The following TFPT variants were observed in gnomAD, a reference collection of about 807,000 sequenced individuals.
TFPT encodes INO80 complex subunit F.
Under a neutral mutation model 28.8 loss-of-function variants are expected in TFPT, and 27 were observed. The observed-to-expected ratio is 0.94, with a 90% CI of 0.69 to 1.29. The LOEUF (loss-of-function observed/expected upper bound fraction) is 1.29, where lower values mean the gene tolerates loss of function less well. Ranked by LOEUF, TFPT falls within the 50% of genes most tolerant of loss-of-function variation. The pLI, the probability that TFPT is intolerant of heterozygous loss-of-function variation, is 0.00. For synonymous variants in TFPT, 152 were observed against 142.8 expected (o/e 1.06, Z -0.46); for missense variants, 330 against 338.0 (o/e 0.98, Z 0.19).
intron 3 of TFPT, chr19:54,108,722 C>A: frequency 1.1e-6 from 1 of 923,210 alleles, no homozygotes; most frequent in Non-Finnish European, 1.6e-6. Flanking sequence ...AGTAAACATT[C>A]ATATGTGAGT....
rs2073335554 is a variant in TFPT, at chr19:54,108,181, T to TCTCTGGAGG, written c.478_486dup (p.Pro160_Glu162dup). The stretch of plus-strand genomic sequence containing the variant: ...CTTCTGGGCGGGGACAGTGTCTCTT[T>TCTCTGGAGG]CTCTGGAGGCTCATTCTCCGCATTG... On this transcript the variant is annotated inframe_insertion, in exon 5 of 6. Coordinates refer to ENST00000391759, the MANE Select transcript of TFPT (RefSeq NM_013342.4). 2 of 1,596,434 alleles carry TCTCTGGAGG rather than the reference T, an allele frequency of 1.3e-6. No homozygotes were observed. Among genetic ancestry groups the TCTCTGGAGG allele is most frequent in the African/African-American group, 2.7e-5 (2 of 74,694 alleles).
intron 5 of TFPT, chr19:54,107,690 T>G: frequency 2.8e-6 from 1 of 360,582 alleles, no homozygotes. Flanking sequence ...TCTCTGATCC[T>G]TCCTTCTCCT....
chr19:54,110,821 G>A (rs1052112729), intron 2 of TFPT, among the ~76,000 whole-genome samples: 6 of 152,084 alleles, frequency 3.9e-5, no homozygotes, highest in Non-Finnish European at 7.4e-5. Context: ...CAGCCTCTCC[G>A]CCTCTTTGCT....
intron 3 of TFPT, 108 bp downstream of exon 3, chr19:54,109,943 C>T (rs1377931858): frequency 2.0e-5 from 18 of 908,052 alleles, no homozygotes; most frequent in Non-Finnish European, 2.7e-5. Flanking sequence ...CCGGCTTCTC[C>T]TTGTGGCTTG....
At chr19:54,108,936 C>A (rs1336243497) in intron 3 of TFPT, 2 of 243,220 alleles carry the variant, frequency 8.2e-6, no homozygotes, top group Non-Finnish European at 1.6e-5. Flanking sequence ...ACTCTGTCAC[C>A]CAGGCTGGAG....
At chr19:54,108,631 C>T in intron 3 of TFPT, 4 of 1,493,622 alleles carry the variant, frequency 2.7e-6, no homozygotes, top group Non-Finnish European at 3.6e-6. Flanking sequence ...AACGACATGA[C>T]ACCCTCGGCT....
At chr19:54,110,250 C>A in intron 2 of TFPT, 129 bp from the exon 3 acceptor site, 1 of 932,344 alleles carries the variant, frequency 1.1e-6, no homozygotes, top group Admixed American at 2.0e-5. Flanking sequence ...GAGGTCCTTC[C>A]ACCTTCCCAT....
In TFPT at chr19:54,108,401, C is replaced by G. The variant is rs2073346289; in HGVS notation, c.354-6G>C. ...CCAGCACTCTCATGAGGAACCTGCT[C>G]AGGGGGAGAAGCCACCAACGGAATA... On this transcript the variant is annotated splice_polypyrimidine_tract_variant and splice_region_variant and intron_variant, in intron 3 of 5. Coordinates refer to ENST00000391759, the MANE Select transcript of TFPT (RefSeq NM_013342.4). The G allele has an allele frequency of 6.2e-7, 1 of 1,613,812 alleles. No individual in the cohort carries two copies. Among genetic ancestry groups the G allele is most frequent in the African/African-American group, 1.3e-5 (1 of 74,912 alleles).
intron 5 of TFPT, among the ~76,000 whole-genome samples, 191 bp downstream of exon 5, chr19:54,107,835 A>C (rs1315301153): frequency 6.6e-6 from 1 of 151,916 alleles, no homozygotes; most frequent in Non-Finnish European, 1.5e-5. Context: ...GGCCTCCAAC[A>C]TGTCCTGGTT....
intron 2 of TFPT, among the ~76,000 whole-genome samples, chr19:54,111,497 TAAA>T (rs11304668): frequency 2.0e-4 from 22 of 111,084 alleles, no homozygotes; most frequent in South Asian, 2.8e-4. Flanking sequence ...TCATCTCTAC[TAAA>T]AAAAAAAAAA....
chr19:54,110,553 C>T (rs1397808696), intron 2 of TFPT, among the ~76,000 whole-genome samples: 2 of 152,084 alleles, frequency 1.3e-5, no homozygotes, highest in East Asian at 1.9e-4. Context: ...ATGATGAAAC[C>T]CCATCTCTAC....
At chr19:54,113,838 C>T (rs1302629838) in intron 2 of TFPT, among the ~76,000 whole-genome samples, 2 of 152,128 alleles carry the variant, frequency 1.3e-5, no homozygotes, top group South Asian at 2.1e-4. Context: ...ACTACAGGTG[C>T]GCACCACCAC....
At chr19:54,109,609 T>C (rs1366141421) in intron 3 of TFPT, among the ~76,000 whole-genome samples, 2 of 152,112 alleles carry the variant, frequency 1.3e-5, no homozygotes, top group African/African-American at 2.4e-5. Flanking sequence ...GCTCACCACC[T>C]GCAAGCTCCG....
At chr19:54,110,158 G>C in intron 2 of TFPT, 37 bp from the exon 3 acceptor site, 1 of 1,607,570 alleles carries the variant, frequency 6.2e-7, no homozygotes, top group Admixed American at 1.7e-5. Flanking sequence ...TGGATCCCAC[G>C]GCTCCCGTTC....
intron 5 of TFPT, 97 bp downstream of exon 5, chr19:54,107,929 C>G: frequency 7.5e-7 from 1 of 1,333,774 alleles, no homozygotes; most frequent in Non-Finnish European, 1.0e-6. Flanking sequence ...TAACTCAGCC[C>G]CAGCCCTGGC....
rs375452012 is a variant in TFPT at position 54,110,124 on chromosome 19, A to C, written c.283-3T>G. 6 of 1,614,074 alleles carry C rather than the reference A, an allele frequency of 3.7e-6. No individual in the cohort carries two copies. In the East Asian group the frequency reaches 1.3e-4, roughly 36 times the overall value. On this transcript the variant is annotated splice_polypyrimidine_tract_variant and splice_region_variant and intron_variant, in intron 2 of 5. Transcript: ENST00000391759. ...CTGTTCAGGACCCGCTCGTTCACCT[A>C]TGGGGTGGGAAACGCCCATCAGCTG...
At chr19:54,115,079 T>C in intron 1 of TFPT, 168 bp downstream of exon 1, 1 of 1,044,970 alleles carries the variant, frequency 9.6e-7, no homozygotes, top group South Asian at 1.5e-5. Context: ...ACCCCTAACC[T>C]TCTCCTCCCT....
chr19:54,115,652 G>T lies in TFPT; in HGVS notation c.-383C>A. 1 of 385,956 alleles carries T rather than the reference G, an allele frequency of 2.6e-6. No homozygotes were observed. The highest frequency in any genetic ancestry group is 4.7e-6 in the Non-Finnish European group (1 of 210,762). 23.9% of individuals were successfully genotyped at this position (385,956 alleles called of 1,614,324 possible). Reference sequence around the variant, plus strand: ...CGCCTCTCTCCGCCTAGTGCCAGGTGCTAATAAAGTTGTTGTTTCAAATGC... The same window carrying T: ...CGCCTCTCTCCGCCTAGTGCCAGGTTCTAATAAAGTTGTTGTTTCAAATGC... On this transcript the variant is annotated 5_prime_UTR_variant, in exon 1 of 6. Coordinates refer to ENST00000391759, the MANE Select transcript of TFPT (RefSeq NM_013342.4).
chr19:54,114,980 A>G, intron 1 of TFPT: 1 of 662,362 alleles, frequency 1.5e-6, no homozygotes, highest in Non-Finnish European at 2.5e-6. Context: ...TTTTCTCTCC[A>G]AGGACCCAGG....
Sources: gnomAD v4.1 joint callset for allele counts (sites outside exome capture counted in the v4.1 genomes callset) on GRCh38, gnomAD v4.1.1 for gene constraint, MANE v1.5 for transcripts, NCBI Gene and HGNC (gene_info 2026-07-23, HGNC 2026-07-21) for gene names.